The following MARCHF10 variants were observed in gnomAD, a reference collection of about 807,000 sequenced individuals.
The protein encoded by MARCHF10 is membrane associated ring-CH-type finger 10, also known as probable E3 ubiquitin-protein ligase MARCHF10.
Under a neutral mutation model 76.2 loss-of-function variants are expected in MARCHF10, and 64 were observed. That is an observed-to-expected ratio of 0.84 (90% CI 0.69 to 1.03). The LOEUF (loss-of-function observed/expected upper bound fraction) is 1.03, where lower values mean the gene tolerates loss of function less well. MARCHF10 is among the 50% of genes least tolerant of loss of function. MARCHF10 has a pLI of 0.00. For missense variants in MARCHF10, 875 were observed against 958.0 expected (o/e 0.91, Z 1.14); for synonymous variants, 340 against 357.5 (o/e 0.95, Z 0.55).
intron 9 of MARCHF10, among the ~76,000 whole-genome samples, chr17:62,708,054 C>T (rs902549405): frequency 2.0e-5 from 3 of 151,992 alleles, no homozygotes; most frequent in East Asian, 1.9e-4. Flanking sequence ...GCTGTCATCC[C>T]GCCAGTGCAC....
intron 3 of MARCHF10, among the ~76,000 whole-genome samples, chr17:62,779,634 T>C (rs1205690099): frequency 3.3e-5 from 5 of 152,242 alleles, no homozygotes; most frequent in Admixed American, 3.3e-4. Context: ...AGCCGCAGTA[T>C]GCAAAGCATT....
chr17:62,763,778 T>A (rs12945657), intron 3 of MARCHF10, among the ~76,000 whole-genome samples: 75,511 of 152,122 alleles, frequency 0.5, 20,293 homozygotes, highest in East Asian at 0.7. Flanking sequence ...TCACATTCTC[T>A]GCTGAGAATC....
chr17:62,773,169 C>A (rs2092479354), intron 3 of MARCHF10, among the ~76,000 whole-genome samples: 1 of 152,004 alleles, frequency 6.6e-6, no homozygotes, highest in African/African-American at 2.4e-5. Flanking sequence ...GGGTGGAGGA[C>A]GATGAGAAGT....
intron 3 of MARCHF10, among the ~76,000 whole-genome samples, chr17:62,774,393 T>C (rs1195570836): frequency 6.6e-6 from 1 of 152,066 alleles, no homozygotes; most frequent in Non-Finnish European, 1.5e-5. Context: ...AAGTCTGCAC[T>C]GCCAGGGGAC....
At chr17:62,781,099 A>G (rs2092650729) in intron 3 of MARCHF10, 4 of 152,156 alleles carry the variant, frequency 2.6e-5, no homozygotes, top group African/African-American at 2.4e-5. Flanking sequence ...CAGAGCCACT[A>G]TTTATTTCCC....
At chr17:62,794,273 T>C (rs931770520) in intron 2 of MARCHF10, among the ~76,000 whole-genome samples, 1 of 151,614 alleles carries the variant, frequency 6.6e-6, no homozygotes, top group Admixed American at 6.6e-5. Context: ...CTCCCCACCA[T>C]TACCACTGCT....
chr17:62,775,739 G>A (rs2092542644), intron 3 of MARCHF10, among the ~76,000 whole-genome samples: 1 of 151,866 alleles, frequency 6.6e-6, no homozygotes, highest in South Asian at 2.1e-4. Context: ...GTGGAATGCA[G>A]GTATGAACCT....
chr17:62,753,966 G>C (rs2091969442), intron 4 of MARCHF10, among the ~76,000 whole-genome samples: 1 of 152,210 alleles, frequency 6.6e-6, no homozygotes, highest in South Asian at 2.1e-4. Flanking sequence ...CTGGGACGTG[G>C]GGGACAGTTG....
chr17:62,807,502 ACT>A (rs1244524619), intron 1 of MARCHF10, among the ~76,000 whole-genome samples: 1 of 151,862 alleles, frequency 6.6e-6, no homozygotes, highest in Non-Finnish European at 1.5e-5. Flanking sequence ...TAATTGGGAA[ACT>A]CTGGGGGAGG....
chr17:62,709,061 G>C (rs2089764643), intron 9 of MARCHF10, among the ~76,000 whole-genome samples: 1 of 152,186 alleles, frequency 6.6e-6, no homozygotes, highest in Admixed American at 6.5e-5. Flanking sequence ...TCCTTGACAA[G>C]CTCTTTACGG....
intron 8 of MARCHF10, among the ~76,000 whole-genome samples, chr17:62,713,101 C>T (rs1385429055): frequency 1.3e-5 from 2 of 152,102 alleles, no homozygotes; most frequent in East Asian, 1.9e-4. Context: ...TGCCTGCCTC[C>T]GACTGTCTCG....
At chr17:62,748,714 C>T (rs2091794405) in intron 4 of MARCHF10, among the ~76,000 whole-genome samples, 1 of 152,220 alleles carries the variant, frequency 6.6e-6, no homozygotes, top group Non-Finnish European at 1.5e-5. Context: ...CACTGCACTC[C>T]AGCCTGGGCA....
chr17:62,767,450 C>CTTTTT (rs1555707309), intron 3 of MARCHF10, among the ~76,000 whole-genome samples: 3 of 134,784 alleles, frequency 2.2e-5, no homozygotes, highest in African/African-American at 2.7e-5. Flanking sequence ...GGTCTGTATT[C>CTTTTT]TTTTTTTTTT....
chr17:62,718,647 C>G (rs973702249), intron 8 of MARCHF10, among the ~76,000 whole-genome samples: 1 of 152,192 alleles, frequency 6.6e-6, no homozygotes, highest in Non-Finnish European at 1.5e-5. Context: ...CTGACTGGCA[C>G]CTGACCTCAG....
chr17:62,801,049 A>G (rs1261790463), intron 2 of MARCHF10, among the ~76,000 whole-genome samples: 6 of 152,128 alleles, frequency 3.9e-5, no homozygotes, highest in Non-Finnish European at 5.9e-5. Flanking sequence ...ACTGGTGGAC[A>G]AGGGCTCCAT....
intron 2 of MARCHF10, among the ~76,000 whole-genome samples, chr17:62,791,395 G>C (rs1309763727): frequency 6.6e-6 from 1 of 152,230 alleles, no homozygotes; most frequent in African/African-American, 2.4e-5. Flanking sequence ...AAATGCACCA[G>C]GACCAAGGCA....
At chr17:62,775,793 T>C (rs916672913) in intron 3 of MARCHF10, among the ~76,000 whole-genome samples, 1 of 150,962 alleles carries the variant, frequency 6.6e-6, no homozygotes, top group Non-Finnish European at 1.5e-5. Flanking sequence ...AATTTTGATA[T>C]CTGAATTTTA....
At position 62,727,811 on chromosome 17, in the gene MARCHF10, C is replaced by G. The variant is rs1188347042; in HGVS notation, c.1938-2707G>C. ...GCAACCCAAGGCATTCTCACAGAAG[C>G]ATGGAGAAGGGAAGGGCAGACCCAG... On this transcript the variant is annotated intron_variant, in intron 6 of 10. Coordinates refer to ENST00000311269, the MANE Select transcript of MARCHF10 (RefSeq NM_152598.4). Among the ~76,000 whole-genome samples, 3 of 152,158 alleles carry G rather than the reference C, an allele frequency of 2.0e-5. No homozygotes were observed. The South Asian group carries it at 6.2e-4, about 32-fold the overall frequency.
At chr17:62,729,533 TAC>T (rs1283661839) in intron 6 of MARCHF10, among the ~76,000 whole-genome samples, 4 of 148,006 alleles carry the variant, frequency 2.7e-5, no homozygotes, top group Non-Finnish European at 4.5e-5. Context: ...TGTATATATA[TAC>T]ATATATATGT....
Sources: allele counts gnomAD v4.1 joint callset (sites outside exome capture counted in the v4.1 genomes callset), GRCh38; gene constraint gnomAD v4.1.1; transcripts MANE v1.5; gene names NCBI Gene and HGNC (gene_info 2026-07-23, HGNC 2026-07-21).